SPIN1: variants seen among roughly 807,000 people sequenced by gnomAD.
SPIN1 encodes spindlin 1.
SPIN1 carries 3 observed loss-of-function variants against 26.0 expected under a neutral mutation model. That is an observed-to-expected ratio of 0.12 (90% CI 0.05 to 0.30). The LOEUF (loss-of-function observed/expected upper bound fraction) is 0.30, where lower values mean the gene tolerates loss of function less well. Ranked by LOEUF, SPIN1 falls within the 10% of genes least tolerant of loss-of-function variation. The pLI, the probability that SPIN1 is intolerant of heterozygous loss-of-function variation, is 1.00. For missense variants in SPIN1, 126 were observed against 333.4 expected, an observed-to-expected ratio of 0.38 and a Z score of 4.84; for synonymous variants, 101 against 116.5, an observed-to-expected ratio of 0.87 and a Z score of 0.86.
Position 88,409,964 on chromosome 9 carries a change from A to AC in SPIN1, c.-158-16413dup, listed in dbSNP as rs1827402074. ...AGGTGAGTTTACCAGTCCCCCTGTA[A>AC]CCCCCTTTGGTATTTTCCGAATTTT... On this transcript the variant is annotated intron_variant, in intron 1 of 5. Coordinates refer to ENST00000375859, the MANE Select transcript of SPIN1 (RefSeq NM_006717.3). 7.9e-5 allele frequency among the ~76,000 whole-genome samples: 12 copies of AC among 151,156 alleles called. No individual in the cohort carries two copies. In the South Asian group the frequency reaches 2.5e-3, roughly 31 times the overall value.
At chr9:88,404,116 G>C (rs1423061577) in intron 1 of SPIN1, among the ~76,000 whole-genome samples, 1 of 152,146 alleles carries the variant, frequency 6.6e-6, no homozygotes, top group African/African-American at 2.4e-5. Context: ...CACAGAGAAA[G>C]TACAGTGAAA....
intron 1 of SPIN1, among the ~76,000 whole-genome samples, chr9:88,392,127 C>T (rs1032164809): frequency 3.3e-5 from 5 of 152,130 alleles, no homozygotes; most frequent in East Asian, 1.9e-4. Context: ...CAGCAGCTGA[C>T]GCCAGTAGAT....
intron 1 of SPIN1, 122 bp downstream of exon 1, chr9:88,388,660 T>G (rs1269411817): frequency 6.8e-6 from 1 of 147,222 alleles, no homozygotes; most frequent in Non-Finnish European, 1.5e-5. Flanking sequence ...GGCGGAGCAT[T>G]GTCCAGCGGG....
In SPIN1 at chr9:88,395,906, G is replaced by A. The variant is rs373131358; in HGVS notation, c.-159+7368G>A. Among the ~76,000 whole-genome samples, 165 of 152,116 alleles carry A rather than the reference G, an allele frequency of 1.1e-3. 4 individuals are homozygous for A. The South Asian group carries it at 0.034, about 31-fold the overall frequency. ...TGCTAAAAATACAAAAATTAGCCTG[G>A]CGTGGTGGCGCGTGCCTGTAATCCC... On this transcript the variant is annotated intron_variant, in intron 1 of 5. Transcript: ENST00000375859.
At chr9:88,413,863 A>G (rs1017748065) in intron 1 of SPIN1, among the ~76,000 whole-genome samples, 1 of 152,146 alleles carries the variant, frequency 6.6e-6, no homozygotes, top group African/African-American at 2.4e-5. Context: ...AGGTTTTCAC[A>G]AGACTGCCCT....
chr9:88,409,678 C>CA (rs934614954), intron 1 of SPIN1, among the ~76,000 whole-genome samples: 3,024 of 147,602 alleles, frequency 0.02, 69 homozygotes, highest in African/African-American at 0.064. Context: ...TACTAAAATA[C>CA]AAAAAAAAAA....
intron 3 of SPIN1, among the ~76,000 whole-genome samples, chr9:88,455,735 T>C (rs977691815): frequency 3.3e-5 from 5 of 152,164 alleles, no homozygotes; most frequent in Non-Finnish European, 5.9e-5. Context: ...CCCAGCACTT[T>C]GGGAGGCCAA....
chr9:88,406,773 T>C (rs1353606307), intron 1 of SPIN1, among the ~76,000 whole-genome samples: 1 of 152,188 alleles, frequency 6.6e-6, no homozygotes, highest in Non-Finnish European at 1.5e-5. Flanking sequence ...TTATTTTTTA[T>C]GTTTGTTCTG....
rs374554301 is a variant in SPIN1 at position 88,471,209 on chromosome 9, T to C, written c.589+2604T>C. ...TTACCCTCGTTTTCTTATAAGAGTT[T>C]TATAATTATAGCTCTTACTTAGAGA... is the stretch of plus-strand genomic sequence containing the variant. On this transcript the variant is annotated intron_variant, in intron 5 of 5. Transcript: ENST00000375859. Among the ~76,000 whole-genome samples the C allele has an allele frequency of 5.3e-4, 80 of 152,328 alleles. No individual in the cohort carries two copies. In the East Asian group the frequency reaches 9.6e-3, roughly 18 times the overall value.
Position 88,426,474 on chromosome 9 carries a change from C to G in SPIN1, c.-66C>G. On this transcript the variant is annotated 5_prime_UTR_variant, in exon 2 of 6. Transcript: ENST00000375859. ...AACACTAACATTCTGTGAAAAGTTT[C>G]AAATTGGAGAATATTGAATTTTCAC... 7.3e-7 allele frequency: 1 copy of G among 1,363,870 alleles called. No homozygotes were observed. The highest frequency in any genetic ancestry group is 1.2e-5 in the South Asian group (1 of 81,612). The allele number at this position is 1,363,870 out of a possible 1,614,324, so 84.5% of individuals were successfully genotyped here.
rs372848597 is a variant in SPIN1 at position 88,445,084 on chromosome 9, A to G, written c.53-3857A>G. Among the ~76,000 whole-genome samples the G allele has an allele frequency of 1.3e-3, 191 of 152,214 alleles. 5 individuals carry two copies. The South Asian group carries it at 0.036, about 29-fold the overall frequency. On this transcript the variant is annotated intron_variant, in intron 2 of 5. Transcript: ENST00000375859. ...TAGGGGGATGTTTGGCATTTGAGGCACCCTTTCCTGGAACTCAGCACTGAG... is the reference window on the plus strand; with the variant it reads ...TAGGGGGATGTTTGGCATTTGAGGCGCCCTTTCCTGGAACTCAGCACTGAG...
Position 88,475,098 on chromosome 9 carries a change from A to C in SPIN1, c.610A>C (p.Arg204=), listed in dbSNP as rs760863062. ...PDSNDSPPAE[R]EPGEVVDSLV... is the part of the protein sequence containing the mutation. ...TATAGATGATTCACCTCCAGCAGAA[A>C]GGGAACCAGGAGAAGTTGTGGACAG... The change falls in exon 6 of 6, where the codon AGG becomes CGG. Residue 204 remains arginine, a synonymous_variant. Coordinates refer to ENST00000375859, the MANE Select transcript of SPIN1 (RefSeq NM_006717.3). The C allele has an allele frequency of 6.3e-7, 1 of 1,583,846 alleles. No homozygotes were observed. Among genetic ancestry groups the C allele is most frequent in the Non-Finnish European group, 8.6e-7 (1 of 1,165,164 alleles).
chr9:88,428,131 A>C (rs1394233560), intron 2 of SPIN1, among the ~76,000 whole-genome samples: 3 of 152,210 alleles, frequency 2.0e-5, no homozygotes, highest in Admixed American at 2.0e-4. Flanking sequence ...TCTAAAGTTC[A>C]TATATGTACA....
intron 3 of SPIN1, among the ~76,000 whole-genome samples, chr9:88,457,572 G>A (rs1347030997): frequency 6.6e-6 from 1 of 151,912 alleles, no homozygotes; most frequent in East Asian, 1.9e-4. Context: ...AGAGAAAATT[G>A]CCCCTCAGAG....
At chr9:88,403,978 G>A (rs1827242497) in intron 1 of SPIN1, among the ~76,000 whole-genome samples, 3 of 152,184 alleles carry the variant, frequency 2.0e-5, no homozygotes, top group African/African-American at 7.2e-5. Context: ...CTTAGATGGT[G>A]TAGCCTTTGA....
chr9:88,472,739 T>C (rs142802818), intron 5 of SPIN1, among the ~76,000 whole-genome samples: 18 of 152,366 alleles, frequency 1.2e-4, no homozygotes, highest in African/African-American at 4.3e-4. Flanking sequence ...GTCTCTCACC[T>C]TGGCCTCGCA....
rs1260992635 is a variant in SPIN1 at position 88,388,469 on chromosome 9, G to C, written c.-228G>C. The C allele has an allele frequency of 6.8e-6, 1 of 147,944 alleles. No homozygotes were observed. Among genetic ancestry groups the C allele is most frequent in the Non-Finnish European group, 1.5e-5 (1 of 66,472 alleles). 9.2% of individuals were successfully genotyped at this position (147,944 alleles called of 1,614,324 possible). On this transcript the variant is annotated 5_prime_UTR_variant, in exon 1 of 6. Coordinates refer to ENST00000375859, the MANE Select transcript of SPIN1 (RefSeq NM_006717.3). ...GAGGCGCCGTCTGGCTCAGGCTGGG[G>C]CCGGCGGGAGCGCGAACGAGCGACG...
chr9:88,400,973 A>G (rs907524482), intron 1 of SPIN1, among the ~76,000 whole-genome samples: 1 of 152,172 alleles, frequency 6.6e-6, no homozygotes, highest in African/African-American at 2.4e-5. Flanking sequence ...TGATCGTGCA[A>G]CTGCGCTCCA....
chr9:88,388,892 A>C (rs1826851198), intron 1 of SPIN1, among the ~76,000 whole-genome samples: 1 of 147,890 alleles, frequency 6.8e-6, no homozygotes, highest in African/African-American at 2.5e-5. Flanking sequence ...CCGGGCGGGG[A>C]GGCCGGCGGG....
Sources: gnomAD v4.1 joint callset for allele counts (sites outside exome capture counted in the v4.1 genomes callset) on GRCh38, gnomAD v4.1.1 for gene constraint, MANE v1.5 for transcripts, NCBI Gene and HGNC (gene_info 2026-07-23, HGNC 2026-07-21) for gene names.